PCDHGA1: variants seen among roughly 807,000 people sequenced by gnomAD.
The protein encoded by PCDHGA1 is protocadherin gamma-A1.
A neutral mutation model predicts 58.0 loss-of-function variants in PCDHGA1; 32 were observed. The observed-to-expected ratio is 0.55, with a 90% CI of 0.42 to 0.74. PCDHGA1 has a LOEUF of 0.74. PCDHGA1 is among the 30% of genes least tolerant of loss of function. The probability of loss-of-function intolerance (pLI) is 0.00; values close to 1 mark genes in which losing one functional copy is unlikely to be tolerated. For synonymous variants in PCDHGA1, 498 were observed against 501.1 expected (o/e 0.99, Z 0.08); for missense variants, 1,205 against 1,182.3 (o/e 1.02, Z -0.28).
rs189987196 is a variant in PCDHGA1, at chr5:141,420,754, C to T, written c.2422-74053C>T. Among the ~76,000 whole-genome samples, 291 of 152,292 alleles carry T rather than the reference C, an allele frequency of 1.9e-3. 2 individuals carry two copies. The highest frequency in any genetic ancestry group is 3.6e-3 in the Non-Finnish European group (248 of 68,020). On this transcript the variant is annotated intron_variant, in intron 1 of 3. Coordinates refer to ENST00000517417, the MANE Select transcript of PCDHGA1 (RefSeq NM_018912.3). ...TAAAATCAATTGGAACCAACTACAA[C>T]CTACAAGTTTTCAGCTCCAGTAATA... is the stretch of plus-strand genomic sequence containing the variant.
chr5:141,469,155 A>C (rs1342352040), intron 1 of PCDHGA1, among the ~76,000 whole-genome samples: 3 of 152,108 alleles, frequency 2.0e-5, no homozygotes, highest in Admixed American at 1.3e-4. Context: ...ACATGTCTGT[A>C]GTCCCAGCTA....
chr5:141,509,499 T>C (rs895353804), intron 3 of PCDHGA1, among the ~76,000 whole-genome samples: 1 of 152,128 alleles, frequency 6.6e-6, no homozygotes, highest in Non-Finnish European at 1.5e-5. Flanking sequence ...GCATGCTGGA[T>C]GTGACGGTGT....
At position 141,403,695 on chromosome 5, in the gene PCDHGA1, G is replaced by T. The variant is rs376074779; in HGVS notation, c.2421+70590G>T. On this transcript the variant is annotated intron_variant, in intron 1 of 3. Transcript: ENST00000517417. ...CCGGTTTTTGCTCAACGGATTTACC[G>T]AGTTAAAGTCCTTGAGAACGTGCCC... The T allele has an allele frequency of 2.9e-5, 46 of 1,613,780 alleles. No individual in the cohort carries two copies. The highest frequency in any genetic ancestry group is 3.7e-5 in the Non-Finnish European group (44 of 1,179,906).
At chr5:141,498,419 G>A (rs78940285) in intron 2 of PCDHGA1, among the ~76,000 whole-genome samples, 4,023 of 152,260 alleles carry the variant, frequency 0.026, 75 homozygotes, top group Non-Finnish European at 0.043. Flanking sequence ...TGCTGGCACT[G>A]GAGTGAGGGG....
chr5:141,482,740 G>A (rs1288861437), intron 1 of PCDHGA1, among the ~76,000 whole-genome samples: 1 of 127,398 alleles, frequency 7.8e-6, no homozygotes, highest in African/African-American at 3.6e-5. Context: ...GAAATTCCAT[G>A]CAGAGGGATT....
chr5:141,439,013 A>T lies in PCDHGA1; in HGVS notation c.2422-55794A>T, dbSNP rs2098082221. 1.3e-5 allele frequency among the ~76,000 whole-genome samples: 2 copies of T among 151,700 alleles called. 1 individual carries two copies. The highest frequency in any genetic ancestry group is 1.3e-4 in the Admixed American group (2 of 15,214). On this transcript the variant is annotated intron_variant, in intron 1 of 3. Transcript: ENST00000517417. ...GGCTAAGGACCTGGTTTGTTTGTCA[A>T]ATTTTGAAAATAGATGCCTCAGTTC...
chr5:141,494,688 A>T (rs2099756168), intron 1 of PCDHGA1, 119 bp from the exon 2 acceptor site: 1 of 1,576,254 alleles, frequency 6.3e-7, no homozygotes, highest in Non-Finnish European at 8.6e-7. Context: ...GCCCCCTCTT[A>T]GTCCGTTTTC....
chr5:141,398,882 G>A, intron 1 of PCDHGA1: 1 of 1,613,930 alleles, frequency 6.2e-7, no homozygotes, highest in Non-Finnish European at 8.5e-7. Context: ...GTCAGCCTTC[G>A]GGAAAACGTG....
chr5:141,380,910 A>G (rs1776848535), intron 1 of PCDHGA1, among the ~76,000 whole-genome samples: 1 of 152,262 alleles, frequency 6.6e-6, no homozygotes, highest in South Asian at 2.1e-4. Context: ...ACAAGTGCTT[A>G]CATTGTTTAA....
rs773474154 is a variant in PCDHGA1, at chr5:141,477,751, G to A, written c.2422-17056G>A. The A allele has an allele frequency of 5.0e-6, 8 of 1,613,712 alleles. No individual in the cohort carries two copies. The highest frequency in any genetic ancestry group is 6.8e-6 in the Non-Finnish European group (8 of 1,180,030). ...CTCATATCAGCGATGGGGGCACCCC[G>A]GTCCTAGCCACCAACATCAGCGTGA... On this transcript the variant is annotated intron_variant, in intron 1 of 3. Transcript: ENST00000517417. The surrounding 1 kb of genome is among the most constrained non-coding windows in gnomAD (Gnocchi z 4.9).
At position 141,432,957 on chromosome 5, in the gene PCDHGA1, C is replaced by T. The variant is rs2097553676; in HGVS notation, c.2422-61850C>T. 1 of 1,614,190 alleles carries T rather than the reference C, an allele frequency of 6.2e-7. No individual in the cohort carries two copies. The highest frequency in any genetic ancestry group is 8.5e-7 in the Non-Finnish European group (1 of 1,180,030). ...CTGCAGGCTTCAGGAGGCGGCTTGA[C>T]AGGAGCGCCGGCGTCGCACTTTGTG... On this transcript the variant is annotated intron_variant, in intron 1 of 3. Coordinates refer to ENST00000517417, the MANE Select transcript of PCDHGA1 (RefSeq NM_018912.3). This position sits in a 1 kb window ranked among gnomAD's most constrained non-coding sequence, Gnocchi z 6.0.
At chr5:141,413,806 A>G (rs775797735) in intron 1 of PCDHGA1, 1 of 1,613,168 alleles carries the variant, frequency 6.2e-7, no homozygotes, top group Non-Finnish European at 8.5e-7. Context: ...GGAAGAGGCC[A>G]TTCACCACCT....
rs527247351 is a variant in PCDHGA1 at position 141,332,245 on chromosome 5, G to A, written c.1561G>A (p.Asp521Asn). 1.1e-5 allele frequency: 18 copies of A among 1,614,180 alleles called. No homozygotes were observed. The South Asian group carries it at 1.9e-4, about 17-fold the overall frequency. The part of the protein sequence containing the change: ...TGVLYALRSF[D>N]YEQFRDMQLK... ...GGTCCTGTATGCGCTGCGATCCTTCGACTATGAGCAGTTCCGGGACATGCA... is the reference window on the plus strand; with the variant it reads ...GGTCCTGTATGCGCTGCGATCCTTCAACTATGAGCAGTTCCGGGACATGCA... The change falls in exon 1 of 4, where the codon GAC (aspartate) becomes AAC (asparagine). Residue 521 changes from aspartate to asparagine, a missense_variant. Transcript: ENST00000517417. This position sits in a 1 kb window ranked among gnomAD's most constrained non-coding sequence, Gnocchi z 4.6.
At position 141,511,355 on chromosome 5, in the gene PCDHGA1, G is replaced by A; in HGVS notation, c.*182G>A. On this transcript the variant is annotated 3_prime_UTR_variant, in exon 4 of 4. Coordinates refer to ENST00000517417, the MANE Select transcript of PCDHGA1 (RefSeq NM_018912.3). ...TCAGCACCTACCCCTTCCCCCCCAG[G>A]GGGTTGAATATGCAAAAGCAGTTCC... 4 of 1,379,256 alleles carry A rather than the reference G, an allele frequency of 2.9e-6. No individual in the cohort carries two copies. The highest frequency in any genetic ancestry group is 3.9e-6 in the Non-Finnish European group (4 of 1,035,886). 85.4% of individuals were successfully genotyped at this position (1,379,256 alleles called of 1,614,324 possible).
intron 1 of PCDHGA1, chr5:141,471,252 T>A (rs1003162914): frequency 6.6e-6 from 1 of 151,872 alleles, no homozygotes; most frequent in Admixed American, 6.6e-5. Flanking sequence ...GGTTTCACCA[T>A]GTTGGCAAGG....
chr5:141,345,785 C>G (rs540850539), intron 1 of PCDHGA1: 21 of 1,613,918 alleles, frequency 1.3e-5, no homozygotes, highest in South Asian at 2.2e-5. Flanking sequence ...CCGCAGAGCC[C>G]GGCTACCTGG....
Position 141,364,666 on chromosome 5 carries a change from C to A in PCDHGA1, c.2421+31561C>A, listed in dbSNP as rs1763468271. Reference sequence around the variant, plus strand: ...TGAACTTTAACATCTTGGTTGAGAACAAAATGAAAATTTATGGAGTAGAAG... The same window carrying A: ...TGAACTTTAACATCTTGGTTGAGAAAAAAATGAAAATTTATGGAGTAGAAG... On this transcript the variant is annotated intron_variant, in intron 1 of 3. Coordinates refer to ENST00000517417, the MANE Select transcript of PCDHGA1 (RefSeq NM_018912.3). The A allele has an allele frequency of 2.5e-6, 4 of 1,614,022 alleles. No homozygotes were observed. The East Asian group carries it at 6.7e-5, about 27-fold the overall frequency.
intron 1 of PCDHGA1, chr5:141,419,964 T>A (rs151105903): frequency 1.2e-6 from 2 of 1,613,964 alleles, no homozygotes; most frequent in African/African-American, 2.7e-5. Context: ...ATTTCTGTGC[T>A]CTTTCTCCTC....
At chr5:141,420,521 C>A in intron 1 of PCDHGA1, 1 of 378,418 alleles carries the variant, frequency 2.6e-6, no homozygotes, top group Non-Finnish European at 4.4e-6. Context: ...AGTAAAATAC[C>A]TTTCGGTTAA....
Sources: allele counts gnomAD v4.1 joint callset (sites outside exome capture counted in the v4.1 genomes callset), GRCh38; gene constraint gnomAD v4.1.1; non-coding constraint Gnocchi (gnomAD v3.1); transcripts MANE v1.5; gene names NCBI Gene and HGNC (gene_info 2026-07-23, HGNC 2026-07-21).